ADAMTSL1: variants seen among roughly 807,000 people sequenced by gnomAD.
The protein encoded by ADAMTSL1 is ADAMTS-like protein 1.
ADAMTSL1 carries 126 observed loss-of-function variants against 201.8 expected under a neutral mutation model. That is an observed-to-expected ratio of 0.62 (90% CI 0.54 to 0.72). ADAMTSL1 has a LOEUF of 0.72. ADAMTSL1 is among the 30% of genes least tolerant of loss of function. The probability of loss-of-function intolerance (pLI) is 0.00; values close to 1 mark genes in which losing one functional copy is unlikely to be tolerated. For synonymous variants in ADAMTSL1, 1,121 were observed against 903.4 expected (o/e 1.24, Z -4.32); for missense variants, 2,679 against 2,277.8 (o/e 1.18, Z -3.59).
At chr9:18,515,371 A>G (rs1818302409) in intron 2 of ADAMTSL1, among the ~76,000 whole-genome samples, 1 of 152,144 alleles carries the variant, frequency 6.6e-6, no homozygotes, top group South Asian at 2.1e-4. Flanking sequence ...GTCTGGCTGT[A>G]TCGCCCAGGC....
chr9:18,850,052 G>C (rs894052701), intron 23 of ADAMTSL1, among the ~76,000 whole-genome samples: 1 of 152,214 alleles, frequency 6.6e-6, no homozygotes, highest in African/African-American at 2.4e-5. Flanking sequence ...ACTTAAAATA[G>C]TTGGACATGG....
intron 21 of ADAMTSL1, among the ~76,000 whole-genome samples, chr9:18,817,486 T>C (rs1823935301): frequency 6.6e-6 from 1 of 152,178 alleles, no homozygotes; most frequent in South Asian, 2.1e-4. Context: ...ATCTTAGCCT[T>C]CCATACAGAT....
At chr9:18,675,657 G>C (rs936004303) in intron 9 of ADAMTSL1, among the ~76,000 whole-genome samples, 200 bp from the exon 10 acceptor site, 1 of 152,028 alleles carries the variant, frequency 6.6e-6, no homozygotes, top group African/African-American at 2.4e-5. Context: ...TATAGTAAAT[G>C]GTGCCCTTTC....
chr9:18,899,608 C>G (rs1829880321), intron 26 of ADAMTSL1, among the ~76,000 whole-genome samples: 1 of 152,030 alleles, frequency 6.6e-6, no homozygotes. Context: ...ACCAATGAAA[C>G]CGAATAGAGA....
At chr9:18,234,751 A>G (rs1830774413) in intron 2 of ADAMTSL1, among the ~76,000 whole-genome samples, 1 of 152,236 alleles carries the variant, frequency 6.6e-6, no homozygotes, top group Non-Finnish European at 1.5e-5. Context: ...ACAGTAAATT[A>G]TAAAATGCCT....
chr9:18,072,850 A>G (rs72697489), intron 1 of ADAMTSL1, among the ~76,000 whole-genome samples: 5,732 of 152,282 alleles, frequency 0.038, 385 homozygotes, highest in East Asian at 0.35. Flanking sequence ...TTAGGCTTAG[A>G]TAATATCCTT....
chr9:18,484,615 C>G (rs1403681126), intron 1 of ADAMTSL1, among the ~76,000 whole-genome samples: 1 of 152,172 alleles, frequency 6.6e-6, no homozygotes, highest in African/African-American at 2.4e-5. Flanking sequence ...GTCCCTCTTT[C>G]AGGCAAATAA....
At chr9:18,769,955 A>G (rs1472721181) in intron 16 of ADAMTSL1, among the ~76,000 whole-genome samples, 5 of 152,194 alleles carry the variant, frequency 3.3e-5, no homozygotes, top group Non-Finnish European at 5.9e-5. Flanking sequence ...ATTCAGTTAC[A>G]TGTAAACAAT....
intron 1 of ADAMTSL1, among the ~76,000 whole-genome samples, chr9:17,935,607 G>A (rs2131331090): frequency 6.6e-6 from 1 of 152,232 alleles, no homozygotes; most frequent in Non-Finnish European, 1.5e-5. Context: ...ATCATTGACA[G>A]GGAACTTAGT....
rs77283280 is a variant in ADAMTSL1 at position 18,196,480 on chromosome 9, G to A, written c.207+32499G>A. On this transcript the variant is annotated intron_variant, in intron 2 of 29. Coordinates refer to the ADAMTSL1 transcript ENST00000680146. Reference sequence around the variant, plus strand: ...CAACCAGAGTAGATGGGCCTCCTCCGGGATTCCTTGATGAAATTTGGGAAA... The same window carrying A: ...CAACCAGAGTAGATGGGCCTCCTCCAGGATTCCTTGATGAAATTTGGGAAA... Among the ~76,000 whole-genome samples, 127 of 152,102 alleles carry A rather than the reference G, an allele frequency of 8.3e-4. No individual in the cohort carries two copies. The East Asian group carries it at 0.016, about 19-fold the overall frequency.
At chr9:18,014,432 G>A (rs1009143369) in intron 1 of ADAMTSL1, among the ~76,000 whole-genome samples, 1 of 151,982 alleles carries the variant, frequency 6.6e-6, no homozygotes, top group East Asian at 1.9e-4. Flanking sequence ...TTCCTAAAGG[G>A]TATCTACTTA....
At chr9:18,108,492 G>A (rs76887778) in intron 1 of ADAMTSL1, among the ~76,000 whole-genome samples, 9,408 of 152,054 alleles carry the variant, frequency 0.062, 413 homozygotes, top group South Asian at 0.12. Context: ...GAGCCACTGT[G>A]CCCAGCCGAG....
At chr9:18,586,189 C>G (rs1275768688) in intron 4 of ADAMTSL1, among the ~76,000 whole-genome samples, 1 of 152,144 alleles carries the variant, frequency 6.6e-6, no homozygotes. Flanking sequence ...TCTAGAAAAC[C>G]ACATGGGCTC....
At chr9:18,680,737 C>T (rs1002131000) in intron 11 of ADAMTSL1, 1 of 550,194 alleles carries the variant, frequency 1.8e-6, no homozygotes, top group Admixed American at 3.2e-5. Flanking sequence ...CAAGAAGCCT[C>T]TATTGTTCCC....
chr9:18,285,697 T>C (rs180834973), intron 2 of ADAMTSL1, among the ~76,000 whole-genome samples: 94 of 152,306 alleles, frequency 6.2e-4, no homozygotes, highest in African/African-American at 2.1e-3. Context: ...TATAATCATT[T>C]TGAATGGTTT....
chr9:17,969,898 T>A (rs1255683334), intron 1 of ADAMTSL1, among the ~76,000 whole-genome samples: 1 of 152,070 alleles, frequency 6.6e-6, no homozygotes, highest in African/African-American at 2.4e-5. Context: ...ACATGCTATA[T>A]TAAAAGTCCA....
chr9:18,676,680 A>G (rs1389459490), intron 10 of ADAMTSL1, among the ~76,000 whole-genome samples: 1 of 152,076 alleles, frequency 6.6e-6, no homozygotes, highest in Non-Finnish European at 1.5e-5. Context: ...AAGTAGACCT[A>G]TGCTCTATTT....
At chr9:18,593,725 C>T (rs1371559577) in intron 4 of ADAMTSL1, among the ~76,000 whole-genome samples, 3 of 151,830 alleles carry the variant, frequency 2.0e-5, no homozygotes, top group African/African-American at 7.2e-5. Flanking sequence ...TCCAAAATTC[C>T]TCTTGTTATT....
intron 2 of ADAMTSL1, among the ~76,000 whole-genome samples, chr9:18,286,955 C>T (rs1419021858): frequency 6.6e-6 from 1 of 152,102 alleles, no homozygotes; most frequent in Non-Finnish European, 1.5e-5. Context: ...TTAAAAACAA[C>T]TTAAGAGATA....
Sources: allele counts gnomAD v4.1 joint callset (sites outside exome capture counted in the v4.1 genomes callset), GRCh38; gene constraint gnomAD v4.1.1; transcripts MANE v1.5; gene names NCBI Gene and HGNC (gene_info 2026-07-23, HGNC 2026-07-21).